The following ZFP64 variants were observed in gnomAD, a reference collection of about 807,000 sequenced individuals.
The protein encoded by ZFP64 is zinc finger protein 64.
A neutral mutation model predicts 51.6 loss-of-function variants in ZFP64; 14 were observed. The observed-to-expected ratio is 0.27, with a 90% CI of 0.18 to 0.42. ZFP64 has a LOEUF of 0.42. ZFP64 is among the 10% of genes least tolerant of loss of function. ZFP64 has a pLI of 1.00. For synonymous variants in ZFP64, 375 were observed against 361.4 expected (o/e 1.04, Z -0.43); for missense variants, 754 against 906.8 (o/e 0.83, Z 2.16).
At chr20:52,172,373 G>A (rs1982824643) in intron 2 of ZFP64, among the ~76,000 whole-genome samples, 1 of 152,076 alleles carries the variant, frequency 6.6e-6, no homozygotes, top group South Asian at 2.1e-4. Context: ...CTTAGATCTT[G>A]TTGTTCTAGT....
intron 2 of ZFP64, among the ~76,000 whole-genome samples, chr20:52,171,709 C>A (rs1360679744): frequency 2.0e-5 from 3 of 149,610 alleles, no homozygotes; most frequent in Non-Finnish European, 4.4e-5. Flanking sequence ...AGGCTGTTCT[C>A]AAACTTCTGA....
At chr20:52,143,716 T>C (rs1471779287) in intron 5 of ZFP64, among the ~76,000 whole-genome samples, 1 of 140,518 alleles carries the variant, frequency 7.1e-6, no homozygotes, top group Non-Finnish European at 1.6e-5. Flanking sequence ...TTTTTTTTAT[T>C]ATTAATAGTA....
In ZFP64 at chr20:52,186,940, A is replaced by G; in HGVS notation, c.178T>C (p.Ser60Pro). 1 of 1,614,034 alleles carries G rather than the reference A, an allele frequency of 6.2e-7. No individual in the cohort carries two copies. Among genetic ancestry groups the G allele is most frequent in the East Asian group, 2.2e-5 (1 of 44,870 alleles). Reference sequence around the variant, plus strand: ...TGGACCGTGCTGGGGGCTGCTGCGGATGTGCCTGTCAGCTGGCAGCCACTT... The same window carrying G: ...TGGACCGTGCTGGGGGCTGCTGCGGGTGTGCCTGTCAGCTGGCAGCCACTT... ...KQSGCQLTGT[S>P]AAAPSTVQFV... is the part of the protein sequence containing the mutation. The change falls in exon 2 of 6, where the codon TCC (serine) becomes CCC (proline). Residue 60 changes from serine to proline, a missense_variant. By Grantham distance (74) the Ser-to-Pro change is moderately conservative (BLOSUM62 -1). Transcript: ENST00000216923.
At chr20:52,169,577 T>G (rs1355372184) in intron 2 of ZFP64, among the ~76,000 whole-genome samples, 1 of 152,222 alleles carries the variant, frequency 6.6e-6, no homozygotes, top group Non-Finnish European at 1.5e-5. Flanking sequence ...CTCCAGAGAT[T>G]GGCTGGGCTC....
chr20:52,094,716 G>A (rs140337672), intron 7 of ZFP64, among the ~76,000 whole-genome samples: 7 of 152,038 alleles, frequency 4.6e-5, no homozygotes, highest in Admixed American at 3.3e-4. Context: ...CTGGGTGACA[G>A]AGCAAGAGAA....
rs540592368 is a variant in ZFP64, at chr20:52,160,672, A to C, written c.512-298T>G. ...ATTTTAAAGTATAGGTACGTAAAAT[A>C]GTAACAGTTTTGTTAATTTTCCCTT... On this transcript the variant is annotated intron_variant, in intron 4 of 5. Coordinates refer to ENST00000216923, the MANE Select transcript of ZFP64 (RefSeq NM_018197.3). The surrounding 1 kb of genome is among the most constrained non-coding windows in gnomAD (Gnocchi z 4.2). Among the ~76,000 whole-genome samples the C allele has an allele frequency of 1.8e-4, 27 of 152,332 alleles. No individual in the cohort carries two copies. The highest frequency in any genetic ancestry group is 6.0e-4 in the African/African-American group (25 of 41,582).
intron 7 of ZFP64, among the ~76,000 whole-genome samples, chr20:52,094,339 C>T (rs2078961309): frequency 6.6e-6 from 1 of 152,240 alleles, no homozygotes; most frequent in Non-Finnish European, 1.5e-5. Flanking sequence ...GATTTTGCTT[C>T]AGTTCACTTT....
intron 5 of ZFP64, among the ~76,000 whole-genome samples, chr20:52,120,000 G>A (rs755636466): frequency 3.3e-5 from 5 of 152,070 alleles, no homozygotes; most frequent in Admixed American, 6.6e-5. Context: ...ACCCCCACAT[G>A]ATGGTATTAA....
At chr20:52,180,081 G>C (rs912754545) in intron 2 of ZFP64, among the ~76,000 whole-genome samples, 6 of 152,198 alleles carry the variant, frequency 3.9e-5, no homozygotes, top group Admixed American at 6.5e-5. Context: ...GAGTGGCCTT[G>C]TCTGATGTTG....
At position 52,097,033 on chromosome 20, in the gene ZFP64, G is replaced by A. The variant is rs1026668181; in HGVS notation, c.976+340C>T. The stretch of plus-strand genomic sequence containing the variant: ...CAACAGGCTGAGTTGCCCATGGGCT[G>A]CAGTTTGTAATCCTGGCATAGATTA... On this transcript the variant is annotated intron_variant, in intron 7 of 8. Transcript: ENST00000361387. 4 of 642,004 alleles carry A rather than the reference G, an allele frequency of 6.2e-6. No individual in the cohort carries two copies. The African/African-American group carries it at 7.1e-5, about 11-fold the overall frequency. 39.8% of individuals were successfully genotyped at this position (642,004 alleles called of 1,614,324 possible).
At chr20:52,168,063 T>C (rs1246508415) in intron 2 of ZFP64, among the ~76,000 whole-genome samples, 1 of 152,238 alleles carries the variant, frequency 6.6e-6, no homozygotes, top group East Asian at 1.9e-4. Context: ...TTTTCCTGAC[T>C]TCTTTGGACA....
chr20:52,118,957 A>T (rs1277107497), intron 5 of ZFP64, among the ~76,000 whole-genome samples: 1 of 152,174 alleles, frequency 6.6e-6, no homozygotes, highest in Non-Finnish European at 1.5e-5. Context: ...GGCTGGGGCA[A>T]CATAGTGAAA....
chr20:52,184,007 T>C (rs1983790232), intron 2 of ZFP64, among the ~76,000 whole-genome samples: 1 of 152,120 alleles, frequency 6.6e-6, no homozygotes, highest in Non-Finnish European at 1.5e-5. Flanking sequence ...AGTGACACCA[T>C]GCCTGGCCAA....
rs889931912 is a variant in ZFP64, at chr20:52,191,731, C to T, written c.-95G>A. 6 of 1,375,318 alleles carry T rather than the reference C, an allele frequency of 4.4e-6. No homozygotes were observed. In the East Asian group the frequency reaches 1.2e-4, roughly 28 times the overall value. 85.2% of individuals were successfully genotyped at this position (1,375,318 alleles called of 1,614,324 possible). On this transcript the variant is annotated 5_prime_UTR_variant, in exon 1 of 6. The change creates a new upstream start codon in the 5' untranslated region. Transcript: ENST00000216923. This position sits in a 1 kb window ranked among gnomAD's most constrained non-coding sequence, Gnocchi z 4.3. The stretch of plus-strand genomic sequence containing the variant: ...GGACTTTTCCTTTTATTTTTCCACA[C>T]CCCCCACCCTGCCTTCTCCCAACTC...
intron 4 of ZFP64, among the ~76,000 whole-genome samples, chr20:52,163,470 G>T (rs1981994256): frequency 2.0e-5 from 3 of 152,218 alleles, no homozygotes; most frequent in Non-Finnish European, 2.9e-5. Context: ...CCCACATGGA[G>T]AGTTTAATTG....
At chr20:52,100,122 G>A (rs780144122) in intron 5 of ZFP64, among the ~76,000 whole-genome samples, 20 of 151,984 alleles carry the variant, frequency 1.3e-4, no homozygotes, top group Admixed American at 3.3e-4. Context: ...GTCTCCCAAC[G>A]GGGACTACAG....
intron 7 of ZFP64, among the ~76,000 whole-genome samples, chr20:52,092,888 C>A (rs1467995348): frequency 6.6e-6 from 1 of 151,898 alleles, no homozygotes; most frequent in African/African-American, 2.4e-5. Flanking sequence ...CAAAACAGAT[C>A]GATAACAATG....
intron 5 of ZFP64, among the ~76,000 whole-genome samples, chr20:52,103,801 G>T (rs112962587): frequency 0.014 from 2,163 of 152,322 alleles, 47 homozygotes; most frequent in African/African-American, 0.049. Context: ...TCGGGCACGA[G>T]GGTGGTTGTA....
chr20:52,139,435 G>A (rs1210373746), intron 5 of ZFP64, among the ~76,000 whole-genome samples: 2 of 152,158 alleles, frequency 1.3e-5, no homozygotes, highest in Non-Finnish European at 2.9e-5. Flanking sequence ...TCACTTATAA[G>A]TGGGAGCTAA....
Sources: allele counts gnomAD v4.1 joint callset (sites outside exome capture counted in the v4.1 genomes callset), GRCh38; gene constraint gnomAD v4.1.1; non-coding constraint Gnocchi (gnomAD v3.1); transcripts MANE v1.5; gene names NCBI Gene and HGNC (gene_info 2026-07-23, HGNC 2026-07-21).